PHF24: variants seen among roughly 807,000 people sequenced by gnomAD.
PHF24 encodes the protein PHD finger protein 24.
A neutral mutation model predicts 42.6 loss-of-function variants in PHF24; 25 were observed. The ratio of observed to expected loss-of-function variants is 0.59; its 90% CI spans 0.43 to 0.82. PHF24 has a LOEUF of 0.82. Among genes scored for constraint, PHF24 ranks in the 40% least tolerant of loss-of-function variants. PHF24 has a pLI of 0.00. For synonymous variants in PHF24, 185 were observed against 204.8 expected, an observed-to-expected ratio of 0.90 and a Z score of 0.83; for missense variants, 470 against 538.1, an observed-to-expected ratio of 0.87 and a Z score of 1.25.
chr9:34,668,355 T>A, the PHF24 span, among the ~76,000 whole-genome samples: 1 of 152,136 alleles, frequency 6.6e-6, no homozygotes, highest in East Asian at 1.9e-4. Context: ...CAGGAACAGC[T>A]GGGGTACAGG....
At chr9:34,894,627 T>A in the PHF24 span, 2 of 397,292 alleles carry the variant, frequency 5.0e-6, no homozygotes, top group African/African-American at 4.1e-5. Flanking sequence ...CTAAGTCACA[T>A]CTGTGTATAA....
chr9:34,777,106 C>T, the PHF24 span, among the ~76,000 whole-genome samples: 1 of 152,140 alleles, frequency 6.6e-6, no homozygotes, highest in Non-Finnish European at 1.5e-5. Context: ...TTGGTGGCAG[C>T]AGTAGCTGAG....
chr9:34,749,123 G>C, the PHF24 span, among the ~76,000 whole-genome samples: 6 of 151,994 alleles, frequency 3.9e-5, no homozygotes, highest in South Asian at 6.2e-4. Context: ...GAAAGAATTA[G>C]TGAGCTTAAA....
the PHF24 span, chr9:34,892,609 G>A: frequency 2.3e-6 from 1 of 443,748 alleles, no homozygotes. Flanking sequence ...AGGTTTGGGA[G>A]CTCTGGGTTC....
At chr9:34,906,004 G>T in the PHF24 span, among the ~76,000 whole-genome samples, 1 of 152,078 alleles carries the variant, frequency 6.6e-6, no homozygotes, top group Non-Finnish European at 1.5e-5. Flanking sequence ...TCTCTACACA[G>T]ATTTTTTGGT....
At chr9:34,709,394 C>T in the PHF24 span, 6 of 1,607,904 alleles carry the variant, frequency 3.7e-6, no homozygotes, top group African/African-American at 8.1e-5. Context: ...GCTCACTGGG[C>T]TATGGCCCTT....
At chr9:34,884,623 G>A in the PHF24 span, among the ~76,000 whole-genome samples, 2 of 152,174 alleles carry the variant, frequency 1.3e-5, no homozygotes, top group Non-Finnish European at 1.5e-5. Flanking sequence ...TTTACCCCAA[G>A]CCCCACAGAG....
chr9:34,852,899 C>T, the PHF24 span, among the ~76,000 whole-genome samples: 1 of 152,158 alleles, frequency 6.6e-6, no homozygotes, highest in African/African-American at 2.4e-5. Flanking sequence ...AGGTGTGCCC[C>T]ACCACACCCA....
At chr9:34,753,553 T>G in the PHF24 span, among the ~76,000 whole-genome samples, 1 of 152,292 alleles carries the variant, frequency 6.6e-6, no homozygotes, top group East Asian at 1.9e-4. Flanking sequence ...GTTGTTAAAA[T>G]GTCTATACTA....
At chr9:34,680,707 TAAAAAAA>T in the PHF24 span, among the ~76,000 whole-genome samples, 1 of 60,060 alleles carries the variant, frequency 1.7e-5, no homozygotes, top group African/African-American at 4.9e-5. Flanking sequence ...AATAAATAAA[TAAAAAAA>T]AAAATAAAAT....
At chr9:34,802,629 G>A in the PHF24 span, among the ~76,000 whole-genome samples, 1 of 152,166 alleles carries the variant, frequency 6.6e-6, no homozygotes, top group Non-Finnish European at 1.5e-5. Flanking sequence ...ACTAATTTCT[G>A]GATTAAATAT....
At chr9:34,979,426 C>T (rs748822562) in exon 8 of PHF24, 12 of 152,244 alleles carry the variant, frequency 7.9e-5, no homozygotes, top group Non-Finnish European at 1.6e-4. Flanking sequence ...CCTCCAAGCC[C>T]CAGCCCTCCT....
the PHF24 span, among the ~76,000 whole-genome samples, chr9:34,914,863 G>T: frequency 6.6e-6 from 1 of 151,584 alleles, no homozygotes; most frequent in Admixed American, 6.6e-5. Flanking sequence ...ATGTCTCACT[G>T]CAGCCTCGAC....
the PHF24 span, among the ~76,000 whole-genome samples, chr9:34,910,761 G>C: frequency 4.6e-5 from 7 of 151,696 alleles, no homozygotes; most frequent in East Asian, 1.4e-3. Flanking sequence ...CTAACTTTTA[G>C]TTTACCCTAT....
chr9:34,720,661 A>C, the PHF24 span, among the ~76,000 whole-genome samples: 1 of 151,630 alleles, frequency 6.6e-6, no homozygotes, highest in Non-Finnish European at 1.5e-5. Context: ...CTCTCATCCC[A>C]CCCATATAAC....
the PHF24 span, among the ~76,000 whole-genome samples, chr9:34,915,001 G>A: frequency 7.4e-6 from 1 of 135,268 alleles, no homozygotes; most frequent in East Asian, 2.1e-4. Flanking sequence ...ATATTGCCCA[G>A]GTTGACACAT....
At chr9:34,854,633 A>G in the PHF24 span, among the ~76,000 whole-genome samples, 1 of 152,138 alleles carries the variant, frequency 6.6e-6, no homozygotes, top group South Asian at 2.1e-4. Context: ...ATGCTGTAGT[A>G]TGGGAGACTG....
At chr9:34,933,143 A>T in the PHF24 span, among the ~76,000 whole-genome samples, 404 of 152,190 alleles carry the variant, frequency 2.7e-3, 2 homozygotes, top group African/African-American at 9.1e-3. Context: ...TTTTATATTC[A>T]CCACTATTTC....
chr9:34,883,377 A>G, the PHF24 span, among the ~76,000 whole-genome samples: 2 of 152,240 alleles, frequency 1.3e-5, no homozygotes, highest in African/African-American at 4.8e-5. Context: ...ATCTAATTAA[A>G]CTAAAGAGCT....
Sources: gnomAD v4.1 joint callset for allele counts (sites outside exome capture counted in the v4.1 genomes callset) on GRCh38, gnomAD v4.1.1 for gene constraint, MANE v1.5 for transcripts, NCBI Gene and HGNC (gene_info 2026-07-23, HGNC 2026-07-21) for gene names.